The following USP13 variants were observed in gnomAD, a reference collection of about 807,000 sequenced individuals.
The protein encoded by USP13 is ubiquitin carboxyl-terminal hydrolase 13.
In USP13, 68 loss-of-function variants were observed where a neutral mutation model predicts 107.8. The observed-to-expected ratio is 0.63, with a 90% CI of 0.52 to 0.77. The LOEUF (loss-of-function observed/expected upper bound fraction) is 0.77. Among genes scored for constraint, USP13 ranks in the 30% least tolerant of loss-of-function variants. USP13 has a pLI of 0.00. For missense variants in USP13, 945 were observed against 1,093.3 expected (o/e 0.86, Z 1.91); for synonymous variants, 377 against 389.5 (o/e 0.97, Z 0.38).
At chr3:179,781,920 G>C (rs1715761927) in intron 20 of USP13, 97 bp downstream of exon 20, 1 of 1,117,638 alleles carries the variant, frequency 8.9e-7, no homozygotes. Context: ...TATCTTATTT[G>C]GTTCTCACAT....
chr3:179,716,614 G>A (rs1023432920), intron 6 of USP13, among the ~76,000 whole-genome samples: 14 of 152,106 alleles, frequency 9.2e-5, no homozygotes, highest in African/African-American at 2.9e-4. Context: ...ATAGCATACC[G>A]TCCAATAGCA....
chr3:179,727,951 G>A lies in USP13; in HGVS notation c.1089-2238G>A, dbSNP rs1412255659. ...TGACCCCCCCACCTCCCTCTCGGAC[G>A]AGGCGGCTGGCTGGGCGGGGGGCTG... On this transcript the variant is annotated intron_variant, in intron 8 of 20. Transcript: ENST00000263966. 3.5e-4 allele frequency among the ~76,000 whole-genome samples: 23 copies of A among 64,828 alleles called. 5 individuals are homozygous for A. Among genetic ancestry groups the A allele is most frequent in the African/African-American group, 6.0e-4 (15 of 24,868 alleles). 42.5% of individuals were successfully genotyped at this position (64,828 alleles called of 152,430 possible).
At chr3:179,775,532 T>C (rs1048975509) in intron 19 of USP13, among the ~76,000 whole-genome samples, 5 of 152,242 alleles carry the variant, frequency 3.3e-5, no homozygotes, top group African/African-American at 4.8e-5. Flanking sequence ...TCCTCAGCCC[T>C]TGGGCGGTCG....
In USP13 at chr3:179,784,977, C is replaced by G. The variant is rs562755289; in HGVS notation, c.*836C>G. ...GCCTTTAAGTGCTGTCAAGAATTCA[C>G]TTGGGTTTGGGACATTTGCTGGTGT... On this transcript the variant is annotated 3_prime_UTR_variant, in exon 21 of 21. Coordinates refer to ENST00000263966, the MANE Select transcript of USP13 (RefSeq NM_003940.3). The G allele has an allele frequency of 3.9e-5, 6 of 152,202 alleles. No homozygotes were observed. The highest frequency in any genetic ancestry group is 5.9e-5 in the Non-Finnish European group (4 of 68,036). The allele number at this position is 152,202 out of a possible 1,614,324, so 9.4% of individuals were successfully genotyped here. A position where few individuals can be genotyped will look rare whatever the true frequency, so the allele number is the denominator to read the frequency against.
chr3:179,707,121 C>A, intron 5 of USP13, 45 bp downstream of exon 5: 2 of 1,549,980 alleles, frequency 1.3e-6, no homozygotes, highest in Non-Finnish European at 1.7e-6. Context: ...CTAAAACTGT[C>A]CAAAGGAATA....
In USP13 at chr3:179,785,457, G is replaced by A. The variant is rs896772524; in HGVS notation, c.*1316G>A. 3 of 152,160 alleles carry A rather than the reference G, an allele frequency of 2.0e-5. No individual in the cohort carries two copies. Among genetic ancestry groups the A allele is most frequent in the African/African-American group, 7.2e-5 (3 of 41,424 alleles). The allele number at this position is 152,160 out of a possible 1,614,324, so 9.4% of individuals were successfully genotyped here. ...TAGAGTTTCCAACGTGATGAAAAGT[G>A]GAATGATAGCATTCTATAATTTCCA... is the stretch of plus-strand genomic sequence containing the variant. On this transcript the variant is annotated 3_prime_UTR_variant, in exon 21 of 21. Transcript: ENST00000263966.
chr3:179,776,237 C>T (rs1422074906), intron 19 of USP13, among the ~76,000 whole-genome samples: 3 of 152,064 alleles, frequency 2.0e-5, no homozygotes, highest in Non-Finnish European at 2.9e-5. Context: ...ACATGTCTGT[C>T]TCATATTCTT....
At chr3:179,711,897 A>G (rs1389222064) in intron 6 of USP13, among the ~76,000 whole-genome samples, 1 of 152,248 alleles carries the variant, frequency 6.6e-6, no homozygotes, top group Non-Finnish European at 1.5e-5. Context: ...TACTGTACGT[A>G]AAACCATATG....
At chr3:179,781,265 T>C (rs1409982751) in intron 19 of USP13, among the ~76,000 whole-genome samples, 1 of 152,230 alleles carries the variant, frequency 6.6e-6, no homozygotes, top group Non-Finnish European at 1.5e-5. Context: ...CTCTTCCTTA[T>C]AATTTTGACA....
intron 13 of USP13, 72 bp from the exon 14 acceptor site, chr3:179,752,213 G>A: frequency 7.2e-7 from 1 of 1,392,908 alleles, no homozygotes; most frequent in South Asian, 1.2e-5. Flanking sequence ...AGACAAAGTT[G>A]ATATGCTTTT....
Position 179,745,174 on chromosome 3 carries a change from G to A in USP13, c.1666G>A (p.Asp556Asn). 2 of 1,608,760 alleles carry A rather than the reference G, an allele frequency of 1.2e-6. No homozygotes were observed. Among genetic ancestry groups the A allele is most frequent in the East Asian group, 2.2e-5 (1 of 44,634 alleles). The change falls in exon 13 of 21, where the codon GAT (aspartate) becomes AAT (asparagine). Residue 556 changes from aspartate (D) to asparagine (N), a missense_variant. Transcript: ENST00000263966. ...CTTCTCTGAACCAGAAAATGTTGATGATTTCTGGAGCAGTGCCCTACAAGC... is the reference window on the plus strand; with the variant it reads ...CTTCTCTGAACCAGAAAATGTTGATAATTTCTGGAGCAGTGCCCTACAAGC... ...QAFSEPENVD[D>N]FWSSALQAKS...
intron 19 of USP13, among the ~76,000 whole-genome samples, chr3:179,773,981 C>T (rs1715418810): frequency 6.6e-6 from 1 of 151,884 alleles, no homozygotes; most frequent in African/African-American, 2.4e-5. Context: ...TAAGAGAATA[C>T]CTGAGAGTGG....
intron 2 of USP13, among the ~76,000 whole-genome samples, chr3:179,688,573 A>G: frequency 6.6e-6 from 1 of 152,190 alleles, no homozygotes; most frequent in Non-Finnish European, 1.5e-5. Flanking sequence ...TTGTTGACTG[A>G]TGCAGAGGTG....
At chr3:179,672,885 A>C (rs147394860) in intron 1 of USP13, among the ~76,000 whole-genome samples, 1 of 152,206 alleles carries the variant, frequency 6.6e-6, no homozygotes, top group Non-Finnish European at 1.5e-5. Flanking sequence ...TTAGAATCCT[A>C]TTTAGCTTAG....
At chr3:179,658,189 C>T (rs140319374) in intron 1 of USP13, among the ~76,000 whole-genome samples, 21 of 152,266 alleles carry the variant, frequency 1.4e-4, no homozygotes, top group East Asian at 1.3e-3. Flanking sequence ...CTCCTGACCT[C>T]GTGATCCGCC....
At position 179,784,341 on chromosome 3, in the gene USP13, A is replaced by G. The variant is rs750926568; in HGVS notation, c.*200A>G. Reference sequence around the variant, plus strand: ...TCTATTAGTGATGATACACTATTATATTGTAGATAGTTTTTATAAATGTTC... The same window carrying G: ...TCTATTAGTGATGATACACTATTATGTTGTAGATAGTTTTTATAAATGTTC... On this transcript the variant is annotated 3_prime_UTR_variant, in exon 21 of 21. Transcript: ENST00000263966. 5.4e-5 allele frequency: 24 copies of G among 447,858 alleles called. No individual in the cohort carries two copies. Among genetic ancestry groups the G allele is most frequent in the Non-Finnish European group, 8.7e-5 (22 of 253,604 alleles). 27.7% of individuals were successfully genotyped at this position (447,858 alleles called of 1,614,324 possible).
intron 10 of USP13, among the ~76,000 whole-genome samples, chr3:179,738,362 G>A (rs1714065756): frequency 6.6e-6 from 1 of 152,224 alleles, no homozygotes; most frequent in African/African-American, 2.4e-5. Context: ...TGAGACCTAA[G>A]TGTGCTTACT....
chr3:179,738,115 G>A (rs954172465), intron 10 of USP13, among the ~76,000 whole-genome samples: 23 of 152,286 alleles, frequency 1.5e-4, no homozygotes, highest in African/African-American at 3.9e-4. Flanking sequence ...ATGAGAATTC[G>A]AGGAGGTGTA....
chr3:179,744,350 TTTTTGTTTTGTTTTG>T (rs1560071689), intron 12 of USP13, among the ~76,000 whole-genome samples: 1 of 130,260 alleles, frequency 7.7e-6, no homozygotes, highest in African/African-American at 2.6e-5. Context: ...TCTGTTTTTT[TTTTTGTTTTGTTTTG>T]TTTTTTTCTG....
Sources: gnomAD v4.1 joint callset for allele counts (sites outside exome capture counted in the v4.1 genomes callset) on GRCh38, gnomAD v4.1.1 for gene constraint, MANE v1.5 for transcripts, NCBI Gene and HGNC (gene_info 2026-07-23, HGNC 2026-07-21) for gene names.